The following ROBO2 variants were observed in gnomAD, a reference collection of about 807,000 sequenced individuals.
The protein encoded by ROBO2 is roundabout guidance receptor 2, also known as roundabout homolog 2.
A neutral mutation model predicts 160.8 loss-of-function variants in ROBO2; 53 were observed. The ratio of observed to expected loss-of-function variants is 0.33; its 90% confidence interval spans 0.26 to 0.41. The LOEUF is 0.41. ROBO2 is among the 10% of genes least tolerant of loss of function. ROBO2 has a pLI of 1.00. For synonymous variants in ROBO2, 664 were observed against 611.7 expected, an observed-to-expected ratio of 1.09 and a Z score of -1.26; for missense variants, 1,577 against 1,722.4, an observed-to-expected ratio of 0.92 and a Z score of 1.49.
intron 2 of ROBO2, among the ~76,000 whole-genome samples, chr3:77,114,670 C>A (rs192498859): frequency 3.9e-5 from 6 of 152,154 alleles, no homozygotes; most frequent in Admixed American, 3.9e-4. Context: ...TGTACCAGTA[C>A]TTCTGGTCCC....
chr3:76,919,052 T>C (rs976980568), intron 2 of ROBO2, among the ~76,000 whole-genome samples: 2 of 152,146 alleles, frequency 1.3e-5, no homozygotes, highest in Non-Finnish European at 2.9e-5. Context: ...CTTGAGTTCT[T>C]TGTAAATTCT....
At chr3:76,973,654 AAG>A (rs2059678147) in intron 2 of ROBO2, among the ~76,000 whole-genome samples, 1 of 152,170 alleles carries the variant, frequency 6.6e-6, no homozygotes, top group South Asian at 2.1e-4. Flanking sequence ...CTACATACAC[AAG>A]AGACATGGCA....
intron 2 of ROBO2, among the ~76,000 whole-genome samples, chr3:75,951,257 C>T (rs541253982): frequency 6.6e-6 from 1 of 152,038 alleles, no homozygotes; most frequent in South Asian, 2.1e-4. Flanking sequence ...TATTGTAGTC[C>T]TTTTTTGGCA....
chr3:76,805,671 CGTGT>C (rs71673124), intron 2 of ROBO2, among the ~76,000 whole-genome samples: 1,705 of 146,294 alleles, frequency 0.012, 13 homozygotes, highest in African/African-American at 0.015. Context: ...TATTGGAATA[CGTGT>C]GTGTGTGTGT....
At chr3:76,030,415 G>A (rs1326890527) in intron 2 of ROBO2, among the ~76,000 whole-genome samples, 1 of 152,104 alleles carries the variant, frequency 6.6e-6, no homozygotes, top group Non-Finnish European at 1.5e-5. Flanking sequence ...CGTTGCTTTT[G>A]GTGTTTTAGT....
At chr3:76,323,173 AC>A (rs2072718376) in intron 2 of ROBO2, among the ~76,000 whole-genome samples, 1 of 150,972 alleles carries the variant, frequency 6.6e-6, no homozygotes, top group African/African-American at 2.4e-5. Context: ...ACACACACAC[AC>A]ACCCCTAAAG....
At chr3:76,079,378 TTGTA>T (rs1449654753) in intron 2 of ROBO2, among the ~76,000 whole-genome samples, 8 of 152,140 alleles carry the variant, frequency 5.3e-5, no homozygotes, top group African/African-American at 1.7e-4. Context: ...TCATTAAACA[TTGTA>T]TGTGTGTATC....
intron 2 of ROBO2, among the ~76,000 whole-genome samples, chr3:76,041,124 A>G (rs989751949): frequency 2.0e-5 from 3 of 152,116 alleles, no homozygotes; most frequent in Non-Finnish European, 2.9e-5. Context: ...AAATATTTCT[A>G]TGCTTAATCG....
At chr3:76,917,863 G>A (rs1383570082) in intron 2 of ROBO2, among the ~76,000 whole-genome samples, 1 of 152,130 alleles carries the variant, frequency 6.6e-6, no homozygotes, top group Non-Finnish European at 1.5e-5. Context: ...GGGAGCCAGA[G>A]CATGAGGAAA....
At chr3:77,248,522 G>A (rs1386746844) in intron 2 of ROBO2, among the ~76,000 whole-genome samples, 1 of 152,154 alleles carries the variant, frequency 6.6e-6, no homozygotes, top group Non-Finnish European at 1.5e-5. Context: ...GGCTTCAGGG[G>A]TCGCGAGCAC....
chr3:77,444,624 A>G (rs139531031), intron 2 of ROBO2, among the ~76,000 whole-genome samples: 5 of 152,324 alleles, frequency 3.3e-5, no homozygotes, highest in African/African-American at 1.2e-4. Context: ...GGAATTATTG[A>G]TTTAGCAGCA....
chr3:77,261,272 C>T (rs1282687153), intron 2 of ROBO2, among the ~76,000 whole-genome samples: 1 of 152,110 alleles, frequency 6.6e-6, no homozygotes, highest in African/African-American at 2.4e-5. Flanking sequence ...CCACAGGAGG[C>T]TCCCAGAAGC....
chr3:77,561,673 C>A (rs1415679341), intron 9 of ROBO2, among the ~76,000 whole-genome samples: 1 of 151,960 alleles, frequency 6.6e-6, no homozygotes, highest in African/African-American at 2.4e-5. Context: ...TATTTATGTT[C>A]CCTTTCAGCT....
intron 2 of ROBO2, among the ~76,000 whole-genome samples, chr3:76,989,502 AAACATTTAAACTTAGAAGAC>A (rs1431577046): frequency 2.0e-5 from 3 of 152,100 alleles, no homozygotes; most frequent in Non-Finnish European, 4.4e-5. Flanking sequence ...TAAGTTTAAA[AAACATTTAAACTTAGAAGAC>A]AACATTTGAG....
chr3:76,495,213 C>CTTTTTTTTTT (rs35543664), intron 2 of ROBO2, among the ~76,000 whole-genome samples: 1 of 136,298 alleles, frequency 7.3e-6, no homozygotes, highest in East Asian at 2.1e-4. Flanking sequence ...TCTTCATTTC[C>CTTTTTTTTTT]TTTTTTTTTT....
intron 2 of ROBO2, among the ~76,000 whole-genome samples, chr3:76,905,105 C>T (rs566381590): frequency 1.3e-5 from 2 of 152,202 alleles, no homozygotes; most frequent in South Asian, 2.1e-4. Flanking sequence ...ATTTCAGTCT[C>T]TCTTAGACAT....
chr3:76,939,765 C>T (rs1475844206), intron 2 of ROBO2, among the ~76,000 whole-genome samples: 4 of 152,026 alleles, frequency 2.6e-5, no homozygotes, highest in African/African-American at 7.2e-5. Flanking sequence ...GCCTGGGCCA[C>T]GGAGCAAGAT....
chr3:77,295,329 G>A (rs1347332802), intron 2 of ROBO2, among the ~76,000 whole-genome samples: 1 of 150,466 alleles, frequency 6.6e-6, no homozygotes, highest in African/African-American at 2.5e-5. Flanking sequence ...GGTAAGCTGA[G>A]GCTAGATCAC....
intron 2 of ROBO2, among the ~76,000 whole-genome samples, chr3:76,676,203 T>C (rs2106794163): frequency 6.6e-6 from 1 of 151,974 alleles, no homozygotes; most frequent in Non-Finnish European, 1.5e-5. Context: ...GAGGGGCCTC[T>C]TGGGAGGTGA....
Sources: allele counts gnomAD v4.1 joint callset (sites outside exome capture counted in the v4.1 genomes callset), GRCh38; gene constraint gnomAD v4.1.1; transcripts MANE v1.5; gene names NCBI Gene and HGNC (gene_info 2026-07-23, HGNC 2026-07-21).